The following ACACA variants were observed in gnomAD, a reference collection of about 807,000 sequenced individuals.
ACACA encodes the protein acetyl-CoA carboxylase 1.
In ACACA, 103 loss-of-function variants were observed where a neutral mutation model predicts 296.1. The ratio of observed to expected loss-of-function variants is 0.35; its 90% confidence interval spans 0.30 to 0.41. The LOEUF (loss-of-function observed/expected upper bound fraction) is 0.41. Ranked by LOEUF, ACACA falls within the 10% of genes least tolerant of loss-of-function variation. The pLI is 1.00. For synonymous variants in ACACA, 953 were observed against 1,038.6 expected (o/e 0.92, Z 1.58); for missense variants, 1,554 against 2,989.7 (o/e 0.52, Z 11.20).
chr17:37,136,899 C>G (rs1477112773), intron 45 of ACACA, among the ~76,000 whole-genome samples: 1 of 151,390 alleles, frequency 6.6e-6, no homozygotes, highest in Non-Finnish European at 1.5e-5. Context: ...GCCAAGATTG[C>G]ACCACTGTAC....
At chr17:37,173,982 T>TTATTTATATATTTTTATATATATA (rs1555573869) in intron 41 of ACACA, among the ~76,000 whole-genome samples, 1 of 19,450 alleles carries the variant, frequency 5.1e-5, no homozygotes, top group African/African-American at 1.7e-4. Flanking sequence ...CCTGGCTAAT[T>TTATTTATATATTTTTATATATATA]TATATATATA....
chr17:37,204,236 A>C (rs1214342074), intron 33 of ACACA, among the ~76,000 whole-genome samples: 1 of 152,222 alleles, frequency 6.6e-6, no homozygotes, highest in Non-Finnish European at 1.5e-5. Flanking sequence ...ATCATAATGA[A>C]ATATAACTGT....
At chr17:37,321,265 A>G (rs553436039) in intron 3 of ACACA, among the ~76,000 whole-genome samples, 39 of 152,344 alleles carry the variant, frequency 2.6e-4, no homozygotes, top group African/African-American at 9.4e-4. Flanking sequence ...TCCTCCCAGA[A>G]TCTGACCTTG....
intron 3 of ACACA, among the ~76,000 whole-genome samples, chr17:37,320,774 C>T (rs181340273): frequency 1.3e-5 from 2 of 151,816 alleles, no homozygotes; most frequent in Admixed American, 6.6e-5. Flanking sequence ...TGGTGAAACC[C>T]TGTCTCTACT....
At chr17:37,233,952 T>A (rs745962133) in intron 25 of ACACA, among the ~76,000 whole-genome samples, 2 of 152,218 alleles carry the variant, frequency 1.3e-5, no homozygotes, top group Non-Finnish European at 2.9e-5. Context: ...AAAAATGTGA[T>A]ACGCTTTAGA....
chr17:37,361,030 C>A (rs2049384062), intron 1 of ACACA, among the ~76,000 whole-genome samples: 1 of 151,132 alleles, frequency 6.6e-6, no homozygotes, highest in African/African-American at 2.5e-5. Context: ...GGAATTCTTT[C>A]CCCAGGATTC....
chr17:37,184,877 G>A (rs1266651490), intron 39 of ACACA, among the ~76,000 whole-genome samples: 4 of 149,848 alleles, frequency 2.7e-5, no homozygotes, highest in South Asian at 2.1e-4. Flanking sequence ...TCCATGAAAC[G>A]GAATACTATC....
intron 3 of ACACA, among the ~76,000 whole-genome samples, chr17:37,291,178 A>ATTTGCT (rs1555632041): frequency 6.7e-6 from 1 of 149,142 alleles, no homozygotes; most frequent in Non-Finnish European, 1.5e-5. Flanking sequence ...ATCTCATAAT[A>ATTTGCT]TTTGTTTTTG....
chr17:37,121,626 C>A (rs2074531469), intron 49 of ACACA, 136 bp from the exon 50 acceptor site: 1 of 1,134,004 alleles, frequency 8.8e-7, no homozygotes, highest in Non-Finnish European at 1.3e-6. Flanking sequence ...TCATCAAGAT[C>A]ATCATGTTTG....
At chr17:37,240,441 T>C in intron 24 of ACACA, 35 bp downstream of exon 24, 1 of 1,598,566 alleles carries the variant, frequency 6.3e-7, no homozygotes, top group African/African-American at 1.3e-5. Flanking sequence ...GAATCAAGGC[T>C]TTCTTAGCTA....
At chr17:37,143,994 C>T (rs2075710328) in intron 45 of ACACA, 19 of 823,358 alleles carry the variant, frequency 2.3e-5, no homozygotes, top group South Asian at 9.3e-5. Context: ...ACAGGAAGAA[C>T]GCTGAAGGAA....
intron 4 of ACACA, among the ~76,000 whole-genome samples, chr17:37,284,001 G>A (rs2082662375): frequency 1.3e-5 from 2 of 152,084 alleles, no homozygotes; most frequent in South Asian, 4.1e-4. Flanking sequence ...ATGCCTCTAA[G>A]GATAACACAG....
intron 2 of ACACA, among the ~76,000 whole-genome samples, chr17:37,331,094 CATTTATTT>C (rs34937895): frequency 0.012 from 1,796 of 146,258 alleles, 37 homozygotes; most frequent in African/African-American, 0.042. Context: ...TTTTATTTTT[CATTTATTT>C]ATTTATTTAT....
intron 8 of ACACA, 32 bp downstream of exon 8, chr17:37,275,919 C>G: frequency 6.4e-7 from 1 of 1,574,592 alleles, no homozygotes; most frequent in Non-Finnish European, 8.7e-7. Context: ...CTATTCTGTA[C>G]TTCAAGATAC....
chr17:37,119,357 T>C (rs1409029311), intron 50 of ACACA, among the ~76,000 whole-genome samples: 1 of 152,176 alleles, frequency 6.6e-6, no homozygotes. Flanking sequence ...GCTAGCATAG[T>C]TCCTAACACA....
chr17:37,248,198 T>C, intron 17 of ACACA, 42 bp from the exon 18 acceptor site: 1 of 1,610,974 alleles, frequency 6.2e-7, no homozygotes, highest in Non-Finnish European at 8.5e-7. Context: ...CCCTTCCAGG[T>C]ACAGCTCCAA....
At chr17:37,337,158 A>T (rs2048156992) in intron 2 of ACACA, among the ~76,000 whole-genome samples, 1 of 152,202 alleles carries the variant, frequency 6.6e-6, no homozygotes, top group Non-Finnish European at 1.5e-5. Context: ...GTACAAGAAT[A>T]AAACAGTAAT....
intron 52 of ACACA, among the ~76,000 whole-genome samples, chr17:37,110,355 T>C (rs182541857): frequency 6.6e-6 from 1 of 152,350 alleles, no homozygotes; most frequent in East Asian, 1.9e-4. Context: ...GAAGTAATTA[T>C]TCTGTTTGGA....
chr17:37,366,495 GTCTCA>G (rs1350144377), intron 1 of ACACA, among the ~76,000 whole-genome samples: 2 of 146,900 alleles, frequency 1.4e-5, no homozygotes, highest in African/African-American at 5.0e-5. Flanking sequence ...TTGAGACGGA[GTCTCA>G]CTCTGTCACC....
Sources: gnomAD v4.1 joint callset for allele counts (sites outside exome capture counted in the v4.1 genomes callset) on GRCh38, gnomAD v4.1.1 for gene constraint, MANE v1.5 for transcripts, NCBI Gene and HGNC (gene_info 2026-07-23, HGNC 2026-07-21) for gene names.